The following ABCC4 variants were observed in gnomAD, a reference collection of about 807,000 sequenced individuals.
The protein encoded by ABCC4 is ATP binding cassette subfamily C member 4 (PEL blood group).
Under a neutral mutation model 168.5 loss-of-function variants are expected in ABCC4, and 102 were observed. The ratio of observed to expected loss-of-function variants is 0.61; its 90% confidence interval spans 0.52 to 0.71. ABCC4 has a LOEUF of 0.71. Ranked by LOEUF, ABCC4 falls within the 30% of genes least tolerant of loss-of-function variation. The pLI, the probability that ABCC4 is intolerant of heterozygous loss-of-function variation, is 0.00. For missense variants in ABCC4, 1,402 were observed against 1,605.8 expected, an observed-to-expected ratio of 0.87 and a Z score of 2.17; for synonymous variants, 617 against 590.7, an observed-to-expected ratio of 1.04 and a Z score of -0.65.
chr13:95,223,778 A>T (rs552815181), intron 4 of ABCC4, among the ~76,000 whole-genome samples: 1 of 152,322 alleles, frequency 6.6e-6, no homozygotes, highest in Non-Finnish European at 1.5e-5. Context: ...TTGGGATTAC[A>T]TGCCACCGTG....
At position 95,021,454 on chromosome 13, in the gene ABCC4, G is replaced by C; in HGVS notation, c.*121C>G. The C allele has an allele frequency of 3.4e-6, 2 of 588,918 alleles. No homozygotes were observed. The highest frequency in any genetic ancestry group is 6.0e-6 in the Non-Finnish European group (2 of 333,084). The allele number at this position is 588,918 out of a possible 1,614,324, so 36.5% of individuals were successfully genotyped here. A position where few individuals can be genotyped will look rare whatever the true frequency, so the allele number is the denominator to read the frequency against. On this transcript the variant is annotated 3_prime_UTR_variant, in exon 31 of 31. Transcript: ENST00000645237. Reference sequence around the variant, plus strand: ...GATAAGTTGGGAGAAATATTCAAATGAACTAGCATCTTGTATGTATAAATA... The same window carrying C: ...GATAAGTTGGGAGAAATATTCAAATCAACTAGCATCTTGTATGTATAAATA...
intron 16 of ABCC4, among the ~76,000 whole-genome samples, chr13:95,164,127 C>T (rs2037195298): frequency 6.6e-6 from 1 of 151,704 alleles, no homozygotes; most frequent in South Asian, 2.1e-4. Context: ...CAGGTCTGTG[C>T]CAAGCCCAAA....
intron 8 of ABCC4, among the ~76,000 whole-genome samples, chr13:95,198,336 AG>A (rs2038520871): frequency 6.6e-6 from 1 of 152,252 alleles, no homozygotes; most frequent in African/African-American, 2.4e-5. Context: ...ACATGTATGC[AG>A]CCAACAAACA....
intron 20 of ABCC4, among the ~76,000 whole-genome samples, chr13:95,111,581 C>T (rs2035207488): frequency 6.6e-6 from 1 of 152,166 alleles, no homozygotes; most frequent in Non-Finnish European, 1.5e-5. Context: ...CCTCGCTGCC[C>T]CTCTGGGTTT....
intron 8 of ABCC4, among the ~76,000 whole-genome samples, chr13:95,203,068 T>C (rs1339400949): frequency 6.6e-6 from 1 of 152,146 alleles, no homozygotes; most frequent in Non-Finnish European, 1.5e-5. Context: ...AGTTTCTTTA[T>C]CTGTAATGTG....
intron 19 of ABCC4, among the ~76,000 whole-genome samples, chr13:95,147,004 A>G (rs1433479682): frequency 6.6e-6 from 1 of 152,178 alleles, no homozygotes; most frequent in African/African-American, 2.4e-5. Flanking sequence ...TGACTTTCTT[A>G]AGCTCTTATC....
chr13:95,200,462 G>A (rs750141528), intron 8 of ABCC4, among the ~76,000 whole-genome samples: 50 of 152,136 alleles, frequency 3.3e-4, no homozygotes, highest in Non-Finnish European at 4.4e-4. Context: ...AATGGCTCAC[G>A]CTGTAATCCC....
chr13:95,129,093 C>T (rs375257919), intron 19 of ABCC4, among the ~76,000 whole-genome samples: 17 of 152,212 alleles, frequency 1.1e-4, no homozygotes, highest in African/African-American at 3.4e-4. Flanking sequence ...TGAGAGATCA[C>T]GAAGTTGGCT....
chr13:95,119,505 C>T (rs548968303), intron 19 of ABCC4, among the ~76,000 whole-genome samples: 1 of 152,254 alleles, frequency 6.6e-6, no homozygotes, highest in South Asian at 2.1e-4. Flanking sequence ...TTGCTCCTAA[C>T]TTTTTTCCAC....
intron 1 of ABCC4, among the ~76,000 whole-genome samples, chr13:95,275,190 T>A (rs1217419588): frequency 6.6e-6 from 1 of 152,170 alleles, no homozygotes; most frequent in Non-Finnish European, 1.5e-5. Context: ...TCCAAATTAT[T>A]TTATAGTAAA....
In ABCC4 at chr13:95,057,574, CCT is replaced by C. The variant is rs1382896226; in HGVS notation, c.3367-4392_3367-4391del. On this transcript the variant is annotated intron_variant, in intron 26 of 30. Transcript: ENST00000645237. ...TCTTAAAGTGACTCCAGGACTGGCC[CCT>C]GACTATGTATGTCATCATTTCTGTG... is the stretch of plus-strand genomic sequence containing the variant. Among the ~76,000 whole-genome samples, 8 of 152,114 alleles carry C rather than the reference CCT, an allele frequency of 5.3e-5. 1 individual carries two copies. Among genetic ancestry groups the C allele is most frequent in the Non-Finnish European group, 1.5e-5 (1 of 68,032 alleles).
In ABCC4 at chr13:95,034,758, A is replaced by G; in HGVS notation, c.3736-19T>C. On this transcript the variant is annotated intron_variant, in intron 29 of 30. Transcript: ENST00000645237. Reference sequence around the variant, plus strand: ...CTAAAACCTGTTAATCAGCAGAAAGAAACCCATTGAAACACAATGTTTTGC... The same window carrying G: ...CTAAAACCTGTTAATCAGCAGAAAGGAACCCATTGAAACACAATGTTTTGC... 1 of 1,613,644 alleles carries G rather than the reference A, an allele frequency of 6.2e-7. No individual in the cohort carries two copies. The highest frequency in any genetic ancestry group is 8.5e-7 in the Non-Finnish European group (1 of 1,179,942).
intron 11 of ABCC4, among the ~76,000 whole-genome samples, chr13:95,183,759 A>G (rs933175680): frequency 6.6e-6 from 1 of 152,098 alleles, no homozygotes; most frequent in African/African-American, 2.4e-5. Flanking sequence ...TAAAAGTACA[A>G]AAAAATTAGC....
chr13:95,206,913 GCAA>G (rs2038799733), intron 7 of ABCC4, 132 bp from the exon 8 acceptor site: 4 of 996,116 alleles, frequency 4.0e-6, no homozygotes, highest in Non-Finnish European at 4.5e-6. Flanking sequence ...ACCATCCTGG[GCAA>G]CAACAACAAA....
intron 16 of ABCC4, 87 bp downstream of exon 16, chr13:95,164,291 A>G (rs1181938809): frequency 9.3e-6 from 14 of 1,502,464 alleles, no homozygotes; most frequent in South Asian, 3.8e-5. Context: ...TCAGACCCCA[A>G]GTGAACTGCA....
At chr13:95,098,279 C>G (rs548601583) in intron 20 of ABCC4, among the ~76,000 whole-genome samples, 14 of 151,142 alleles carry the variant, frequency 9.3e-5, no homozygotes, top group Non-Finnish European at 1.6e-4. Flanking sequence ...AAATGAAAAC[C>G]AACAGATTAA....
intron 20 of ABCC4, among the ~76,000 whole-genome samples, chr13:95,095,512 G>T (rs1384241055): frequency 6.6e-6 from 1 of 152,126 alleles, no homozygotes; most frequent in Non-Finnish European, 1.5e-5. Flanking sequence ...GCATAAGAAT[G>T]ATACAATGGA....
chr13:95,027,925 C>T (rs4148547), intron 30 of ABCC4, among the ~76,000 whole-genome samples: 50,531 of 152,058 alleles, frequency 0.33, 8,576 homozygotes, highest in East Asian at 0.51. Flanking sequence ...CCTAACCACG[C>T]CATATACAGG....
intron 20 of ABCC4, among the ~76,000 whole-genome samples, chr13:95,098,491 A>G (rs2139367474): frequency 6.6e-6 from 1 of 152,292 alleles, no homozygotes; most frequent in South Asian, 2.1e-4. Context: ...CGGGAATAAA[A>G]GAAGAAATTT....
Sources: allele counts gnomAD v4.1 joint callset (sites outside exome capture counted in the v4.1 genomes callset), GRCh38; gene constraint gnomAD v4.1.1; transcripts MANE v1.5; gene names NCBI Gene and HGNC (gene_info 2026-07-23, HGNC 2026-07-21).